Variants in ZFAND3 observed in about 807,000 individuals in gnomAD.
ZFAND3 encodes the protein AN1-type zinc finger protein 3.
ZFAND3 carries 10 observed loss-of-function variants against 29.6 expected under a neutral mutation model. That is an observed-to-expected ratio of 0.34 (90% CI 0.21 to 0.57). The LOEUF (loss-of-function observed/expected upper bound fraction) is 0.57. Among genes scored for constraint, ZFAND3 ranks in the 20% least tolerant of loss-of-function variants. The pLI, the probability that ZFAND3 is intolerant of heterozygous loss-of-function variation, is 0.86. For missense variants in ZFAND3, 230 were observed against 304.5 expected, an observed-to-expected ratio of 0.76 and a Z score of 1.82; for synonymous variants, 128 against 112.6, an observed-to-expected ratio of 1.14 and a Z score of -0.87.
chr6:38,082,322 C>G, intron 3 of ZFAND3, 70 bp from the exon 4 acceptor site: 1 of 1,370,380 alleles, frequency 7.3e-7, no homozygotes, highest in African/African-American at 1.5e-5. Flanking sequence ...TTTCTCTTTA[C>G]TCAGGAAAGC....
chr6:37,846,386 G>GT (rs1288387989), intron 1 of ZFAND3, among the ~76,000 whole-genome samples: 2 of 152,206 alleles, frequency 1.3e-5, no homozygotes, highest in Admixed American at 6.5e-5. Context: ...GAGCACAGGA[G>GT]TTTAAGTCCA....
intron 2 of ZFAND3, among the ~76,000 whole-genome samples, chr6:37,958,742 C>A (rs1015492686): frequency 6.6e-6 from 1 of 152,050 alleles, no homozygotes; most frequent in Admixed American, 6.6e-5. Context: ...CCGCCCCCCC[C>A]TTCCCCACCC....
intron 1 of ZFAND3, among the ~76,000 whole-genome samples, chr6:37,914,790 C>T (rs772798385): frequency 7.3e-5 from 11 of 150,906 alleles, no homozygotes; most frequent in Non-Finnish European, 1.6e-4. Context: ...TGTGAGCTAC[C>T]GTGCCTGGCC....
At chr6:37,869,732 C>T (rs924800755) in intron 1 of ZFAND3, among the ~76,000 whole-genome samples, 3 of 151,430 alleles carry the variant, frequency 2.0e-5, no homozygotes, top group Non-Finnish European at 4.4e-5. Context: ...AGGCTGGCCT[C>T]GAACTCCTGG....
intron 1 of ZFAND3, among the ~76,000 whole-genome samples, chr6:37,823,950 C>A (rs550812843): frequency 4.0e-4 from 61 of 152,242 alleles, no homozygotes; most frequent in African/African-American, 1.4e-3. Flanking sequence ...TGCCACCACA[C>A]CCAGCTAATT....
intron 1 of ZFAND3, among the ~76,000 whole-genome samples, chr6:37,834,852 T>TTC (rs2127370193): frequency 1.4e-5 from 1 of 74,020 alleles, no homozygotes; most frequent in South Asian, 3.1e-4. Flanking sequence ...GCATGTATGT[T>TTC]TCAAAAAAAA....
chr6:38,098,427 G>A (rs543218133), intron 4 of ZFAND3, among the ~76,000 whole-genome samples: 1 of 152,338 alleles, frequency 6.6e-6, no homozygotes, highest in South Asian at 2.1e-4. Flanking sequence ...TGGGATTACA[G>A]GCATGAGCCA....
At chr6:37,992,749 A>G (rs1762781467) in intron 2 of ZFAND3, among the ~76,000 whole-genome samples, 1 of 152,168 alleles carries the variant, frequency 6.6e-6, no homozygotes, top group African/African-American at 2.4e-5. Flanking sequence ...TTAATCCAAG[A>G]TTAGGTTTAA....
intron 1 of ZFAND3, among the ~76,000 whole-genome samples, chr6:37,923,063 C>G (rs1215042624): frequency 6.6e-6 from 1 of 152,144 alleles, no homozygotes; most frequent in African/African-American, 2.4e-5. Context: ...GCTTAAAACA[C>G]AAACACATTG....
At chr6:38,130,126 T>C (rs1765714995) in intron 5 of ZFAND3, among the ~76,000 whole-genome samples, 1 of 152,116 alleles carries the variant, frequency 6.6e-6, no homozygotes, top group African/African-American at 2.4e-5. Context: ...TTGAGTTCTT[T>C]ATTTGAGAGC....
chr6:37,929,229 G>A (rs907436068), intron 1 of ZFAND3, among the ~76,000 whole-genome samples: 2 of 152,144 alleles, frequency 1.3e-5, no homozygotes, highest in African/African-American at 4.8e-5. Context: ...GTATTTCCTT[G>A]TTACAGAAAT....
chr6:37,939,593 T>C (rs962419338), intron 2 of ZFAND3, among the ~76,000 whole-genome samples: 1 of 152,190 alleles, frequency 6.6e-6, no homozygotes, highest in Non-Finnish European at 1.5e-5. Flanking sequence ...GTAACTACTT[T>C]TAAAACAGAA....
At chr6:37,920,810 G>T (rs1373194042) in intron 1 of ZFAND3, among the ~76,000 whole-genome samples, 2 of 152,180 alleles carry the variant, frequency 1.3e-5, no homozygotes, top group Non-Finnish European at 2.9e-5. Flanking sequence ...ACCCCTGAAA[G>T]CCTCCTTTGT....
intron 1 of ZFAND3, among the ~76,000 whole-genome samples, chr6:37,916,733 G>A (rs1342174637): frequency 1.3e-5 from 2 of 152,218 alleles, no homozygotes; most frequent in Non-Finnish European, 2.9e-5. Context: ...ACATTTCGCA[G>A]TTTCTGGTAC....
chr6:37,869,916 C>T (rs7760770), intron 1 of ZFAND3, among the ~76,000 whole-genome samples: 19,748 of 149,826 alleles, frequency 0.13, 2,097 homozygotes, highest in African/African-American at 0.3. Flanking sequence ...TTCTTTCTTT[C>T]CTTCTATGTT....
chr6:38,127,468 A>T (rs1441735788), intron 5 of ZFAND3, among the ~76,000 whole-genome samples: 1 of 152,180 alleles, frequency 6.6e-6, no homozygotes, highest in African/African-American at 2.4e-5. Context: ...TAGAGTGGTG[A>T]AAGCCTGCAA....
intron 3 of ZFAND3, among the ~76,000 whole-genome samples, chr6:38,075,758 T>TTTTTG (rs1554172566): frequency 6.6e-6 from 1 of 151,472 alleles, no homozygotes; most frequent in Non-Finnish European, 1.5e-5. Flanking sequence ...AGTTGGGTTT[T>TTTTTG]TTTGTTTGTT....
chr6:38,097,021 G>T (rs1322827158), intron 4 of ZFAND3, among the ~76,000 whole-genome samples: 1 of 151,972 alleles, frequency 6.6e-6, no homozygotes, highest in Admixed American at 6.6e-5. Flanking sequence ...CATTTACCTG[G>T]CAAAGCTTGG....
intron 1 of ZFAND3, among the ~76,000 whole-genome samples, chr6:37,878,250 C>T (rs768455525): frequency 3.9e-5 from 6 of 152,240 alleles, no homozygotes; most frequent in Non-Finnish European, 8.8e-5. Flanking sequence ...CATTACTATC[C>T]GTGGGACAGT....
Sources: gnomAD v4.1 joint callset for allele counts (sites outside exome capture counted in the v4.1 genomes callset) on GRCh38, gnomAD v4.1.1 for gene constraint, MANE v1.5 for transcripts, NCBI Gene and HGNC (gene_info 2026-07-23, HGNC 2026-07-21) for gene names.